ATL2: variants seen among roughly 807,000 people sequenced by gnomAD.
ATL2 encodes atlastin-2.
A neutral mutation model predicts 73.9 loss-of-function variants in ATL2; 31 were observed. The observed-to-expected ratio is 0.42, with a 90% CI of 0.32 to 0.57. The LOEUF is 0.57. ATL2 is among the 20% of genes least tolerant of loss of function. The pLI is 0.14. For missense variants in ATL2, 738 were observed against 702.6 expected, an observed-to-expected ratio of 1.05 and a Z score of -0.57; for synonymous variants, 291 against 237.5, an observed-to-expected ratio of 1.23 and a Z score of -2.07.
At chr2:38,305,326 C>A (rs1185117700) in intron 9 of ATL2, among the ~76,000 whole-genome samples, 3 of 152,044 alleles carry the variant, frequency 2.0e-5, no homozygotes, top group Non-Finnish European at 4.4e-5. Context: ...GGCAGGTGGA[C>A]CACTTGACGT....
At chr2:38,318,415 G>A (rs1395950479) in intron 4 of ATL2, 120 bp downstream of exon 4, 18 of 635,756 alleles carry the variant, frequency 2.8e-5, no homozygotes, top group African/African-American at 3.8e-5. Context: ...GCAGTGAGCC[G>A]AGATCACGCC....
chr2:38,309,576 A>G, intron 8 of ATL2, 70 bp from the exon 9 acceptor site: 1 of 1,469,272 alleles, frequency 6.8e-7, no homozygotes, highest in Non-Finnish European at 9.2e-7. Context: ...CGATTTCATA[A>G]AATTCTGTTT....
chr2:38,310,715 G>A (rs1202551910), intron 7 of ATL2, among the ~76,000 whole-genome samples: 2 of 141,440 alleles, frequency 1.4e-5, no homozygotes, highest in African/African-American at 2.6e-5. Flanking sequence ...TCGGCTCACC[G>A]CAACCTCCGC....
chr2:38,299,447 C>T, intron 10 of ATL2, 120 bp from the exon 11 acceptor site: 1 of 1,046,144 alleles, frequency 9.6e-7, no homozygotes, highest in Non-Finnish European at 1.3e-6. Context: ...AAAGTAACTT[C>T]CAGTTTTTCT....
At chr2:38,345,351 T>A (rs1669958972) in intron 1 of ATL2, among the ~76,000 whole-genome samples, 1 of 152,178 alleles carries the variant, frequency 6.6e-6, no homozygotes. Flanking sequence ...GAGCAAAGAT[T>A]ATATAACTAC....
intron 2 of ATL2, among the ~76,000 whole-genome samples, chr2:38,326,207 C>T (rs1273389396): frequency 6.6e-6 from 1 of 152,186 alleles, no homozygotes; most frequent in African/African-American, 2.4e-5. Flanking sequence ...CTGCAAGACA[C>T]AGATTTTGAG....
intron 2 of ATL2, among the ~76,000 whole-genome samples, chr2:38,331,209 C>T (rs540938191): frequency 6.8e-4 from 103 of 151,862 alleles, no homozygotes; most frequent in African/African-American, 2.2e-3. Flanking sequence ...CCGAGGTGGG[C>T]GGATCACGAG....
In ATL2 at chr2:38,294,662, A is replaced by G. The variant is rs983221206; in HGVS notation, c.*1332T>C. On this transcript the variant is annotated 3_prime_UTR_variant, in exon 13 of 13. Transcript: ENST00000378954. Reference sequence around the variant, plus strand: ...CACCAAAAAAAAAAAAAGAGAGAGAAAGAAATTAACAATCCCCATCTACAA... The same window carrying G: ...CACCAAAAAAAAAAAAAGAGAGAGAGAGAAATTAACAATCCCCATCTACAA... Among the ~76,000 whole-genome samples, 8 of 151,964 alleles carry G rather than the reference A, an allele frequency of 5.3e-5. No individual in the cohort carries two copies. Among genetic ancestry groups the G allele is most frequent in the African/African-American group, 1.9e-4 (8 of 41,328 alleles).
intron 1 of ATL2, among the ~76,000 whole-genome samples, chr2:38,353,034 T>C (rs1307741424): frequency 6.6e-6 from 1 of 152,102 alleles, no homozygotes; most frequent in Non-Finnish European, 1.5e-5. Context: ...ACATTTAATA[T>C]ACAGTATATA....
chr2:38,299,190 A>AT, intron 11 of ATL2, 66 bp downstream of exon 11: 1 of 1,353,794 alleles, frequency 7.4e-7, no homozygotes, highest in Non-Finnish European at 9.7e-7. Context: ...AAATTTTTTT[A>AT]ATTTTTTTTT....
intron 1 of ATL2, chr2:38,376,263 A>C: frequency 7.1e-7 from 1 of 1,410,508 alleles, no homozygotes; most frequent in Non-Finnish European, 9.3e-7. Flanking sequence ...TAGGGGTGTT[A>C]TGAGTGAGAG....
intron 1 of ATL2, among the ~76,000 whole-genome samples, chr2:38,364,904 CG>C (rs1671221819): frequency 6.6e-6 from 1 of 152,084 alleles, no homozygotes; most frequent in Non-Finnish European, 1.5e-5. Context: ...ATTAGCCATG[CG>C]TGGTGGCACA....
chr2:38,295,332 T>G lies in ATL2; in HGVS notation c.*662A>C, dbSNP rs1359658359. 6.6e-6 allele frequency: 1 copy of G among 152,266 alleles called. No homozygotes were observed. The highest frequency in any genetic ancestry group is 1.5e-5 in the Non-Finnish European group (1 of 68,046). 9.4% of individuals were successfully genotyped at this position (152,266 alleles called of 1,614,324 possible). A position where few individuals can be genotyped will look rare whatever the true frequency, so the allele number is the denominator to read the frequency against. ...CCAATAAAATTAATGGCATATTTTA[T>G]ATACATGAAGGCTAAACTGCAAAAA... is the stretch of plus-strand genomic sequence containing the variant. On this transcript the variant is annotated 3_prime_UTR_variant, in exon 13 of 13. Coordinates refer to ENST00000378954, the MANE Select transcript of ATL2 (RefSeq NM_001135673.4).
chr2:38,332,494 C>T (rs868430592), intron 2 of ATL2, among the ~76,000 whole-genome samples: 1 of 152,186 alleles, frequency 6.6e-6, no homozygotes, highest in Non-Finnish European at 1.5e-5. Flanking sequence ...GCACGAGCCA[C>T]CATGCCCCGC....
chr2:38,347,167 A>G (rs1260928329), intron 1 of ATL2, among the ~76,000 whole-genome samples: 1 of 152,226 alleles, frequency 6.6e-6, no homozygotes, highest in Non-Finnish European at 1.5e-5. Context: ...CAAAAGAAGA[A>G]AGCCCTTAAA....
At chr2:38,374,115 T>A (rs750448794) in intron 1 of ATL2, among the ~76,000 whole-genome samples, 1 of 151,662 alleles carries the variant, frequency 6.6e-6, no homozygotes, top group Non-Finnish European at 1.5e-5. Context: ...GGTCTCGAAC[T>A]CCTGACCTCA....
intron 2 of ATL2, among the ~76,000 whole-genome samples, chr2:38,322,675 G>T (rs1668390240): frequency 6.6e-6 from 1 of 152,046 alleles, no homozygotes; most frequent in African/African-American, 2.4e-5. Flanking sequence ...AGGTTACCTT[G>T]TAATGGAAAT....
Position 38,324,859 on chromosome 2 carries a change from T to G in ATL2, c.364-5840A>C, listed in dbSNP as rs1406954665. On this transcript the variant is annotated intron_variant, in intron 2 of 12. Coordinates refer to ENST00000378954, the MANE Select transcript of ATL2 (RefSeq NM_001135673.4). ...AAATTCATAGGGACAGAAAGTAGAA[T>G]GGTGGATGCCAGGGGATTGGGGAGA... Among the ~76,000 whole-genome samples the G allele has an allele frequency of 3.9e-5, 6 of 152,200 alleles. No individual in the cohort carries two copies. In the South Asian group the frequency reaches 1.2e-3, roughly 32 times the overall value.
chr2:38,341,190 T>C (rs1041061064), intron 2 of ATL2, among the ~76,000 whole-genome samples: 6 of 152,216 alleles, frequency 3.9e-5, no homozygotes, highest in Admixed American at 1.3e-4. Context: ...TAGACACAGA[T>C]AGATACAATA....
Sources: allele counts gnomAD v4.1 joint callset (sites outside exome capture counted in the v4.1 genomes callset), GRCh38; gene constraint gnomAD v4.1.1; transcripts MANE v1.5; gene names NCBI Gene and HGNC (gene_info 2026-07-23, HGNC 2026-07-21).